Variants in GUCY2C observed in about 807,000 individuals in gnomAD.
GUCY2C encodes guanylate cyclase 2C, also known as guanylyl cyclase C.
Under a neutral mutation model 131.1 loss-of-function variants are expected in GUCY2C, and 118 were observed. That is an observed-to-expected ratio of 0.90 (90% CI 0.78 to 1.05). GUCY2C has a LOEUF of 1.05. Ranked by LOEUF, GUCY2C falls within the 50% of genes least tolerant of loss-of-function variation. The pLI, the probability that GUCY2C is intolerant of heterozygous loss-of-function variation, is 0.00. For missense variants in GUCY2C, 1,161 were observed against 1,304.4 expected, an observed-to-expected ratio of 0.89 and a Z score of 1.69; for synonymous variants, 452 against 457.8, an observed-to-expected ratio of 0.99 and a Z score of 0.16.
intron 24 of GUCY2C, among the ~76,000 whole-genome samples, chr12:14,618,253 C>A (rs138590089): frequency 6.6e-6 from 1 of 152,262 alleles, no homozygotes; most frequent in East Asian, 1.9e-4. Flanking sequence ...GCCTGTAATT[C>A]CAACACTTTG....
intron 19 of GUCY2C, among the ~76,000 whole-genome samples, chr12:14,637,087 T>A (rs1195710305): frequency 1.3e-5 from 2 of 151,130 alleles, no homozygotes; most frequent in African/African-American, 4.9e-5. Context: ...AGTGAGACTC[T>A]GTCTCAAAAA....
intron 7 of GUCY2C, among the ~76,000 whole-genome samples, chr12:14,675,809 G>C (rs963220222): frequency 2.0e-5 from 3 of 152,194 alleles, no homozygotes; most frequent in African/African-American, 7.2e-5. Context: ...CTAGAACCAT[G>C]AAGATGGTCA....
chr12:14,684,407 A>G (rs1948416067), intron 3 of GUCY2C, among the ~76,000 whole-genome samples: 1 of 152,020 alleles, frequency 6.6e-6, no homozygotes, highest in African/African-American at 2.4e-5. Context: ...TTCAACATGC[A>G]AACAATCGCA....
chr12:14,630,781 G>A lies in GUCY2C; in HGVS notation c.2158-2044C>T, dbSNP rs114514037. Among the ~76,000 whole-genome samples the A allele has an allele frequency of 4.0e-3, 616 of 152,262 alleles. 5 individuals are homozygous for A. Among genetic ancestry groups the A allele is most frequent in the African/African-American group, 0.014 (580 of 41,528 alleles). On this transcript the variant is annotated intron_variant, in intron 19 of 26. Transcript: ENST00000261170. Reference sequence around the variant, plus strand: ...TGATCTAGTTTCGACTCTGTATTCTGTTGGAATCAGTTACTTGACATGAAA... The same window carrying A: ...TGATCTAGTTTCGACTCTGTATTCTATTGGAATCAGTTACTTGACATGAAA...
chr12:14,653,111 T>A, intron 12 of GUCY2C, 97 bp from the exon 13 acceptor site: 1 of 884,426 alleles, frequency 1.1e-6, no homozygotes, highest in Non-Finnish European at 1.9e-6. Flanking sequence ...GGGCTGCATC[T>A]GTTTCCTCAA....
At chr12:14,689,061 C>A (rs1438029373) in intron 1 of GUCY2C, among the ~76,000 whole-genome samples, 1 of 152,204 alleles carries the variant, frequency 6.6e-6, no homozygotes, top group East Asian at 1.9e-4. Context: ...TAAAGGATAT[C>A]TCTGGATCCT....
intron 20 of GUCY2C, among the ~76,000 whole-genome samples, chr12:14,627,368 T>C (rs4237952): frequency 0.98 from 148,694 of 152,208 alleles, 72,706 homozygotes; most frequent in Middle Eastern, 1. Context: ...GAAACAGAAT[T>C]GTTTAACAAG....
chr12:14,641,029 G>A, intron 18 of GUCY2C, 53 bp downstream of exon 18: 1 of 1,571,926 alleles, frequency 6.4e-7, no homozygotes, highest in Admixed American at 1.7e-5. Context: ...AGTAAGCCTA[G>A]AAAGCAGGTT....
chr12:14,652,030 G>A lies in GUCY2C; in HGVS notation c.1534C>T (p.Arg512Ter), dbSNP rs1410756862. Residue 512 changes from arginine (R) to a stop codon, truncating the protein, a stop_gained and splice_region_variant, in exon 14 of 27, where the codon CGA becomes TGA. Transcript: ENST00000261170. LOFTEE classifies it high-confidence loss of function. ...TGCTTGAGATCTTTGAGAATCACTC[G>A]CTGCAAAAATCAATGAAATTTAGGA... The part of the protein sequence containing the change: ...RLRQCKYDKK[R>*]VILKDLKHND... 14 of 1,581,548 alleles carry A rather than the reference G, an allele frequency of 8.9e-6. No homozygotes were observed. The Admixed American group carries it at 1.5e-4, about 17-fold the overall frequency.
At chr12:14,652,886 G>T in intron 13 of GUCY2C, 66 bp downstream of exon 13, 1 of 1,000,038 alleles carries the variant, frequency 1.0e-6, no homozygotes, top group Non-Finnish European at 1.6e-6. Flanking sequence ...AGGGGCCAGG[G>T]CAATGAGGGG....
chr12:14,624,724 A>C (rs1356002921), intron 21 of GUCY2C, among the ~76,000 whole-genome samples: 1 of 152,204 alleles, frequency 6.6e-6, no homozygotes, highest in Non-Finnish European at 1.5e-5. Flanking sequence ...TCTTCAAGAG[A>C]CTTGTGTGAT....
intron 9 of GUCY2C, 143 bp downstream of exon 9, chr12:14,672,730 G>A: frequency 1.6e-6 from 1 of 614,580 alleles, no homozygotes; most frequent in Non-Finnish European, 3.0e-6. Flanking sequence ...ACCCTAAGTG[G>A]GGCGTAATTG....
chr12:14,688,218 T>C (rs115117010), intron 1 of GUCY2C, among the ~76,000 whole-genome samples, 155 bp from the exon 2 acceptor site: 2,508 of 152,268 alleles, frequency 0.016, 75 homozygotes, highest in African/African-American at 0.057. Flanking sequence ...GTCACTTTTT[T>C]CCTCTGTGTG....
chr12:14,625,587 C>A (rs1427522145), intron 21 of GUCY2C, among the ~76,000 whole-genome samples, 170 bp downstream of exon 21: 1 of 152,090 alleles, frequency 6.6e-6, no homozygotes, highest in East Asian at 1.9e-4. Context: ...CCTGCCTCAG[C>A]CTCTCAAAGT....
chr12:14,668,132 T>C (rs1005980196), intron 10 of GUCY2C, among the ~76,000 whole-genome samples: 1 of 148,472 alleles, frequency 6.7e-6, no homozygotes, highest in African/African-American at 2.5e-5. Flanking sequence ...GCCTCCTGAG[T>C]AGCTGGGACC....
At chr12:14,627,560 C>T (rs1383090613) in intron 20 of GUCY2C, among the ~76,000 whole-genome samples, 1 of 152,152 alleles carries the variant, frequency 6.6e-6, no homozygotes, top group Admixed American at 6.5e-5. Flanking sequence ...AAAATCCTGA[C>T]ACCTGTATGT....
At position 14,613,443 on chromosome 12, in the gene GUCY2C, C is replaced by T. The variant is rs563409706; in HGVS notation, c.3048-152G>A. The T allele has an allele frequency of 7.0e-5, 46 of 654,722 alleles. No homozygotes were observed. The highest frequency in any genetic ancestry group is 4.1e-4 in the African/African-American group (23 of 55,498). The allele number at this position is 654,722 out of a possible 1,614,324, so 40.6% of individuals were successfully genotyped here. A position where few individuals can be genotyped will look rare whatever the true frequency, so the allele number is the denominator to read the frequency against. ...AAATCCAAAGAATACAAAATGATCC[C>T]TGCCTTTGATGAGCTTAAAAAACTG... is the stretch of plus-strand genomic sequence containing the variant. On this transcript the variant is annotated intron_variant, in intron 26 of 26. Transcript: ENST00000261170. This position sits in a 1 kb window ranked among gnomAD's most constrained non-coding sequence, Gnocchi z 4.9.
At chr12:14,659,604 C>T (rs769585358) in intron 11 of GUCY2C, among the ~76,000 whole-genome samples, 3 of 152,110 alleles carry the variant, frequency 2.0e-5, no homozygotes, top group Non-Finnish European at 2.9e-5. Flanking sequence ...TGTAAAATAG[C>T]ATATTACTGA....
Position 14,629,716 on chromosome 12 carries a change from C to T in GUCY2C, c.2158-979G>A, listed in dbSNP as rs191277049. Among the ~76,000 whole-genome samples, 14 of 152,270 alleles carry T rather than the reference C, an allele frequency of 9.2e-5. No homozygotes were observed. The East Asian group carries it at 2.3e-3, about 25-fold the overall frequency. On this transcript the variant is annotated intron_variant, in intron 19 of 26. Coordinates refer to ENST00000261170, the MANE Select transcript of GUCY2C (RefSeq NM_004963.4). ...AAATGGCTCCAAATGGAATAAAAGC[C>T]GTACTGTCCATGGTTCTAACTTATA...
Sources: allele counts gnomAD v4.1 joint callset (sites outside exome capture counted in the v4.1 genomes callset), GRCh38; gene constraint gnomAD v4.1.1; non-coding constraint Gnocchi (gnomAD v3.1); transcripts MANE v1.5; gene names NCBI Gene and HGNC (gene_info 2026-07-23, HGNC 2026-07-21).